Variants in CDK19 observed in about 807,000 individuals in gnomAD.
CDK19 encodes the protein cyclin dependent kinase 19.
Under a neutral mutation model 68.3 loss-of-function variants are expected in CDK19, and 20 were observed. That is an observed-to-expected ratio of 0.29 (90% CI 0.21 to 0.43). CDK19 has a LOEUF of 0.43. Ranked by LOEUF, CDK19 falls within the 20% of genes least tolerant of loss-of-function variation. The probability of loss-of-function intolerance (pLI) is 1.00; values close to 1 mark genes in which losing one functional copy is unlikely to be tolerated. For missense variants in CDK19, 339 were observed against 623.5 expected, an observed-to-expected ratio of 0.54 and a Z score of 4.86; for synonymous variants, 221 against 222.8, an observed-to-expected ratio of 0.99 and a Z score of 0.07.
At chr6:110,767,520 A>C (rs941183849) in intron 1 of CDK19, among the ~76,000 whole-genome samples, 1 of 147,650 alleles carries the variant, frequency 6.8e-6, no homozygotes, top group Non-Finnish European at 1.5e-5. Context: ...ATGCCTGGCT[A>C]ATTTTTTGTA....
rs1292909785 is a variant in CDK19, at chr6:110,719,715, T to C, written c.204+26411A>G. ...TCTCTTAAATAAAGAGTTAGAATAG[T>C]AAGCAGTATGGTTTTTTTGTTTTGT... On this transcript the variant is annotated intron_variant, in intron 2 of 12. Transcript: ENST00000368911. Among the ~76,000 whole-genome samples, 3 of 152,086 alleles carry C rather than the reference T, an allele frequency of 2.0e-5. No individual in the cohort carries two copies. The East Asian group carries it at 5.8e-4, about 29-fold the overall frequency.
intron 8 of CDK19, among the ~76,000 whole-genome samples, chr6:110,623,897 G>GTA (rs72296760): frequency 2.8e-5 from 4 of 144,310 alleles, no homozygotes; most frequent in Admixed American, 7.1e-5. Context: ...ATATGTGTGT[G>GTA]TATATATATA....
At chr6:110,631,156 C>A (rs1779412363) in intron 6 of CDK19, among the ~76,000 whole-genome samples, 2 of 151,868 alleles carry the variant, frequency 1.3e-5, no homozygotes, top group African/African-American at 4.8e-5. Flanking sequence ...CTAAAGGTAG[C>A]CAAAACTGAT....
At chr6:110,674,901 C>CAA (rs113776673) in intron 2 of CDK19, among the ~76,000 whole-genome samples, 3,562 of 92,172 alleles carry the variant, frequency 0.039, 61 homozygotes, top group South Asian at 0.11. Context: ...GACTCTGTCT[C>CAA]AAAAAAAAAA....
chr6:110,666,597 C>A (rs1355452141), intron 4 of CDK19, among the ~76,000 whole-genome samples: 1 of 152,032 alleles, frequency 6.6e-6, no homozygotes, highest in African/African-American at 2.4e-5. Flanking sequence ...CGGATACTAA[C>A]TAGATCCTTT....
In CDK19 at chr6:110,806,591, T is replaced by C. The variant is rs143471892; in HGVS notation, c.128+8418A>G. Among the ~76,000 whole-genome samples, 241 of 152,250 alleles carry C rather than the reference T, an allele frequency of 1.6e-3. 3 individuals carry two copies. The highest frequency in any genetic ancestry group is 5.6e-3 in the African/African-American group (234 of 41,512). On this transcript the variant is annotated intron_variant, in intron 1 of 12. Coordinates refer to ENST00000368911, the MANE Select transcript of CDK19 (RefSeq NM_015076.5). Reference sequence around the variant, plus strand: ...TAGCAAGACTGGAGACAGCCAATGATGTAAGTCAATACAATGAGATACAAC... The same window carrying C: ...TAGCAAGACTGGAGACAGCCAATGACGTAAGTCAATACAATGAGATACAAC...
chr6:110,619,712 G>C (rs1185823738), intron 12 of CDK19, among the ~76,000 whole-genome samples: 2 of 151,764 alleles, frequency 1.3e-5, no homozygotes, highest in African/African-American at 4.8e-5. Flanking sequence ...GTTTCCTCTT[G>C]GTAACTTTCC....
Position 110,626,818 on chromosome 6 carries a change from A to AT in CDK19, c.817dup (p.Met273AsnfsTer12), listed in dbSNP as rs1318069978. 6.3e-7 allele frequency: 1 copy of AT among 1,580,514 alleles called. No individual in the cohort carries two copies. Among genetic ancestry groups the AT allele is most frequent in the Non-Finnish European group, 8.6e-7 (1 of 1,157,632 alleles). On this transcript the variant is annotated frameshift_variant, in exon 8 of 13. Transcript: ENST00000368911. LOFTEE classifies it high-confidence loss of function. ...TTTTTGAAGTGTGGGATATTCTGGC[A>AT]TCTTTCTAATATCTTCCCAGTCTTT...
chr6:110,724,917 G>T (rs1776216845), intron 2 of CDK19, among the ~76,000 whole-genome samples: 1 of 152,138 alleles, frequency 6.6e-6, no homozygotes, highest in Non-Finnish European at 1.5e-5. Flanking sequence ...ACAGATATGG[G>T]AAGGGTACCA....
intron 4 of CDK19, among the ~76,000 whole-genome samples, chr6:110,660,775 GA>G (rs1781572887): frequency 6.6e-6 from 1 of 152,212 alleles, no homozygotes; most frequent in Admixed American, 6.5e-5. Context: ...TCTGCCGGCT[GA>G]GCCTGAGGTT....
chr6:110,631,643 T>C (rs1207124993), intron 6 of CDK19, among the ~76,000 whole-genome samples: 5 of 152,198 alleles, frequency 3.3e-5, no homozygotes, highest in Non-Finnish European at 5.9e-5. Flanking sequence ...TTTCCCCAAA[T>C]AGAAGGGGTT....
chr6:110,784,153 C>T (rs1336223091), intron 1 of CDK19, among the ~76,000 whole-genome samples: 5 of 101,072 alleles, frequency 4.9e-5, no homozygotes, highest in Admixed American at 1.1e-4. Context: ...AGCAAGACTT[C>T]GTCTCAAAAA....
chr6:110,732,310 T>C (rs1182273121), intron 2 of CDK19, among the ~76,000 whole-genome samples: 1 of 152,000 alleles, frequency 6.6e-6, no homozygotes, highest in Non-Finnish European at 1.5e-5. Flanking sequence ...AGCCTGGCTG[T>C]CACGGCGCAA....
intron 12 of CDK19, among the ~76,000 whole-genome samples, chr6:110,619,031 T>C (rs922429565): frequency 7.2e-5 from 11 of 152,186 alleles, no homozygotes; most frequent in Non-Finnish European, 1.6e-4. Flanking sequence ...GGAAAGTTTT[T>C]CCCTTGGCCC....
intron 2 of CDK19, among the ~76,000 whole-genome samples, chr6:110,680,956 C>G (rs1374953966): frequency 1.3e-5 from 2 of 151,978 alleles, no homozygotes. Flanking sequence ...GAGATCGTCC[C>G]ACTGCACTCC....
At chr6:110,748,764 T>C (rs746479172) in intron 1 of CDK19, among the ~76,000 whole-genome samples, 33 of 152,240 alleles carry the variant, frequency 2.2e-4, no homozygotes, top group Non-Finnish European at 4.4e-4. Flanking sequence ...GAAGCTTTAT[T>C]GCTCTCATCC....
chr6:110,708,474 T>A (rs576388415), intron 2 of CDK19, among the ~76,000 whole-genome samples: 2 of 152,298 alleles, frequency 1.3e-5, no homozygotes, highest in African/African-American at 4.8e-5. Context: ...ACAGAGATTT[T>A]ACCTGCAGAC....
chr6:110,806,436 A>T (rs561246391), intron 1 of CDK19, among the ~76,000 whole-genome samples: 18 of 152,158 alleles, frequency 1.2e-4, no homozygotes, highest in Non-Finnish European at 2.2e-4. Flanking sequence ...TATCTTATAC[A>T]TCACCATATT....
At chr6:110,639,048 A>G (rs754875964) in intron 4 of CDK19, among the ~76,000 whole-genome samples, 1 of 152,240 alleles carries the variant, frequency 6.6e-6, no homozygotes, top group Non-Finnish European at 1.5e-5. Context: ...AAAATTTTAT[A>G]TAAAATTTCA....
Sources: allele counts gnomAD v4.1 joint callset (sites outside exome capture counted in the v4.1 genomes callset), GRCh38; gene constraint gnomAD v4.1.1; transcripts MANE v1.5; gene names NCBI Gene and HGNC (gene_info 2026-07-23, HGNC 2026-07-21).